CSMD2: variants seen among roughly 807,000 people sequenced by gnomAD.
The protein encoded by CSMD2 is CUB and Sushi multiple domains 2.
Under a neutral mutation model 398.5 loss-of-function variants are expected in CSMD2, and 130 were observed. The ratio of observed to expected loss-of-function variants is 0.33; its 90% CI spans 0.28 to 0.38. The LOEUF (loss-of-function observed/expected upper bound fraction) is 0.38, where lower values mean the gene tolerates loss of function less well. CSMD2 is among the 10% of genes least tolerant of loss of function. CSMD2 has a pLI of 1.00. For missense variants in CSMD2, 3,829 were observed against 4,764.9 expected (o/e 0.80, Z 5.78); for synonymous variants, 1,828 against 1,908.5 (o/e 0.96, Z 1.10).
At chr1:33,526,738 A>G (rs1399868451) in intron 65 of CSMD2, among the ~76,000 whole-genome samples, 3 of 152,240 alleles carry the variant, frequency 2.0e-5, no homozygotes, top group Non-Finnish European at 4.4e-5. Flanking sequence ...AAGGTTCATG[A>G]AAGGATGTGA....
At position 33,739,136 on chromosome 1, in the gene CSMD2, G is replaced by A. The variant is rs1003772572; in HGVS notation, c.2368+4C>T. On this transcript the variant is annotated splice_donor_region_variant and intron_variant, in intron 15 of 70. Coordinates refer to ENST00000373381, the MANE Select transcript of CSMD2 (RefSeq NM_001281956.2). ...GCCACTGCTCCCAGCCTGCAGGCTC[G>A]TACCTTCACACCGCAGCACAGCGCT... 1.6e-5 allele frequency: 25 copies of A among 1,609,062 alleles called. No homozygotes were observed. Among genetic ancestry groups the A allele is most frequent in the South Asian group, 4.4e-5 (4 of 90,242 alleles).
chr1:33,647,835 T>C (rs1227402246), intron 28 of CSMD2, among the ~76,000 whole-genome samples: 1 of 152,224 alleles, frequency 6.6e-6, no homozygotes. Flanking sequence ...GAGGGGATGA[T>C]AATGAAGATG....
chr1:33,933,329 G>A (rs111815650), intron 4 of CSMD2, among the ~76,000 whole-genome samples: 1 of 152,148 alleles, frequency 6.6e-6, no homozygotes, highest in Non-Finnish European at 1.5e-5. Flanking sequence ...GATATTAGGA[G>A]GGTTAGTGGA....
chr1:33,828,499 C>T (rs1014497942), intron 6 of CSMD2, among the ~76,000 whole-genome samples: 7 of 152,154 alleles, frequency 4.6e-5, no homozygotes, highest in Admixed American at 6.5e-5. Context: ...GAGTCTTCAT[C>T]GTCTCCTTGT....
At chr1:34,077,444 G>A (rs1287177691) in intron 2 of CSMD2, among the ~76,000 whole-genome samples, 8 of 114,164 alleles carry the variant, frequency 7.0e-5, no homozygotes, top group Non-Finnish European at 1.1e-4. Context: ...GCTAAAGAGC[G>A]GAACTCCGTC....
At chr1:33,698,502 C>T (rs550021252) in intron 24 of CSMD2, among the ~76,000 whole-genome samples, 132 of 152,304 alleles carry the variant, frequency 8.7e-4, no homozygotes, top group African/African-American at 2.8e-3. Context: ...TGGCTGTGGT[C>T]CCACTTGCTA....
intron 13 of CSMD2, among the ~76,000 whole-genome samples, chr1:33,744,105 C>A (rs747192166): frequency 3.9e-5 from 6 of 152,258 alleles, no homozygotes; most frequent in African/African-American, 1.2e-4. Context: ...TGAAACACTG[C>A]GTCTTCGTGC....
At chr1:33,946,915 A>G (rs900541129) in intron 3 of CSMD2, among the ~76,000 whole-genome samples, 4 of 152,034 alleles carry the variant, frequency 2.6e-5, no homozygotes, top group Non-Finnish European at 5.9e-5. Context: ...GATTATAGGC[A>G]TGAGCCACCC....
At chr1:34,066,763 G>A (rs964812880) in intron 2 of CSMD2, among the ~76,000 whole-genome samples, 11 of 152,150 alleles carry the variant, frequency 7.2e-5, no homozygotes, top group Non-Finnish European at 8.8e-5. Flanking sequence ...GAGTGTCCTG[G>A]TCCTAGAATG....
intron 1 of CSMD2, among the ~76,000 whole-genome samples, chr1:34,094,124 A>G (rs948896932): frequency 6.6e-6 from 1 of 152,142 alleles, no homozygotes; most frequent in Admixed American, 6.5e-5. Context: ...AAAGGAAAGA[A>G]TTTTCAACCC....
intron 1 of CSMD2, among the ~76,000 whole-genome samples, chr1:34,139,360 G>T (rs1425603286): frequency 1.3e-5 from 2 of 152,146 alleles, no homozygotes; most frequent in African/African-American, 2.4e-5. Flanking sequence ...ACTCTGCAGA[G>T]AGTCCCCACT....
intron 21 of CSMD2, among the ~76,000 whole-genome samples, chr1:33,710,876 G>A (rs1226431443): frequency 6.6e-6 from 1 of 152,192 alleles, no homozygotes; most frequent in Admixed American, 6.5e-5. Context: ...CCACCACCAA[G>A]TCCCTACTTT....
chr1:33,843,019 C>T lies in CSMD2; in HGVS notation c.1033+3865G>A, dbSNP rs568606359. Reference sequence around the variant, plus strand: ...CCTCTTTTTTGGCTTTCCTTAAATCCTTCTGGCAAAACTAATTGCCCTTTT... The same window carrying T: ...CCTCTTTTTTGGCTTTCCTTAAATCTTTCTGGCAAAACTAATTGCCCTTTT... On this transcript the variant is annotated intron_variant, in intron 6 of 70. Transcript: ENST00000373381. 4.6e-5 allele frequency among the ~76,000 whole-genome samples: 7 copies of T among 152,312 alleles called. No homozygotes were observed. In the East Asian group the frequency reaches 1.4e-3, roughly 29 times the overall value.
intron 5 of CSMD2, among the ~76,000 whole-genome samples, chr1:33,878,985 A>G (rs1318205622): frequency 6.6e-6 from 1 of 152,168 alleles, no homozygotes; most frequent in Non-Finnish European, 1.5e-5. Flanking sequence ...CGCGGTAACA[A>G]TGTGTGGTCA....
rs2148803699 is a variant in CSMD2, at chr1:33,600,869, G to A, written c.6852C>T (p.Phe2284=). ...AATGGIFAIA[F]SAYPLTKCPP... Reference sequence around the variant, plus strand: ...AGGCCAGGCTTCCATACTGACCGGAGAAAGCTATGGCGAAGATCCCCCCTG... The same window carrying A: ...AGGCCAGGCTTCCATACTGACCGGAAAAAGCTATGGCGAAGATCCCCCCTG... Residue 2284 remains phenylalanine, a synonymous_variant, in exon 44 of 71, where the codon TTC becomes TTT. Coordinates refer to ENST00000373381, the MANE Select transcript of CSMD2 (RefSeq NM_001281956.2). The A allele has an allele frequency of 1.2e-6, 2 of 1,614,152 alleles. No individual in the cohort carries two copies. The highest frequency in any genetic ancestry group is 2.2e-5 in the East Asian group (1 of 44,880).
At chr1:33,737,373 C>T (rs1023385244) in intron 15 of CSMD2, among the ~76,000 whole-genome samples, 16 of 152,164 alleles carry the variant, frequency 1.1e-4, no homozygotes, top group African/African-American at 3.9e-4. Flanking sequence ...ACCACTTGAT[C>T]CCCCAAAGTG....
At chr1:33,648,594 C>T (rs1643589026) in intron 28 of CSMD2, among the ~76,000 whole-genome samples, 1 of 152,042 alleles carries the variant, frequency 6.6e-6, no homozygotes, top group Non-Finnish European at 1.5e-5. Flanking sequence ...ATGCTCCAGA[C>T]ATTTTGTGGT....
At chr1:33,778,268 T>C (rs1245738933) in intron 12 of CSMD2, among the ~76,000 whole-genome samples, 1 of 152,166 alleles carries the variant, frequency 6.6e-6, no homozygotes, top group South Asian at 2.1e-4. Flanking sequence ...CTATCACAGC[T>C]TACTGCAGCC....
At chr1:33,939,946 T>C (rs1481957879) in intron 3 of CSMD2, among the ~76,000 whole-genome samples, 1 of 152,192 alleles carries the variant, frequency 6.6e-6, no homozygotes, top group Non-Finnish European at 1.5e-5. Context: ...TTTCATCCTG[T>C]AAGGGTGTTT....
Sources: gnomAD v4.1 joint callset for allele counts (sites outside exome capture counted in the v4.1 genomes callset) on GRCh38, gnomAD v4.1.1 for gene constraint, MANE v1.5 for transcripts, NCBI Gene and HGNC (gene_info 2026-07-23, HGNC 2026-07-21) for gene names.